ZSWIM5: variants seen among roughly 807,000 people sequenced by gnomAD.
ZSWIM5 encodes zinc finger SWIM-type containing 5, also known as zinc finger SWIM domain-containing protein 5.
ZSWIM5 carries 55 observed loss-of-function variants against 119.6 expected under a neutral mutation model. The ratio of observed to expected loss-of-function variants is 0.46; its 90% confidence interval spans 0.37 to 0.58. The LOEUF (loss-of-function observed/expected upper bound fraction) is 0.58. Ranked by LOEUF, ZSWIM5 falls within the 20% of genes least tolerant of loss-of-function variation. The probability of loss-of-function intolerance (pLI) is 0.00; values close to 1 mark genes in which losing one functional copy is unlikely to be tolerated. For missense variants in ZSWIM5, 1,193 were observed against 1,512.8 expected (o/e 0.79, Z 3.51); for synonymous variants, 537 against 606.9 (o/e 0.88, Z 1.69).
rs534133412 is a variant in ZSWIM5, at chr1:45,106,051, C to T, written c.596-17814G>A. ...GAGGTGAGGAGCGCCTCTGCCCGGC[C>T]GCCCCGTCTGGGAGGTGAGGAGCGC... is the stretch of plus-strand genomic sequence containing the variant. On this transcript the variant is annotated intron_variant, in intron 1 of 13. Transcript: ENST00000359600. Among the ~76,000 whole-genome samples the T allele has an allele frequency of 7.5e-4, 105 of 139,732 alleles. No individual in the cohort carries two copies. In the South Asian group the frequency reaches 0.021, roughly 28 times the overall value. 91.7% of individuals were successfully genotyped at this position (139,732 alleles called of 152,430 possible).
intron 1 of ZSWIM5, among the ~76,000 whole-genome samples, chr1:45,198,752 AAAG>A (rs1348955055): frequency 2.0e-5 from 3 of 152,254 alleles, no homozygotes; most frequent in Admixed American, 6.5e-5. Context: ...TCAATAATGT[AAAG>A]AAGACTGCAT....
At chr1:45,112,085 A>G (rs1401816697) in intron 1 of ZSWIM5, among the ~76,000 whole-genome samples, 1 of 152,212 alleles carries the variant, frequency 6.6e-6, no homozygotes, top group South Asian at 2.1e-4. Context: ...GTTTTGACAC[A>G]TGTATGCACT....
intron 7 of ZSWIM5, 107 bp from the exon 8 acceptor site, chr1:45,039,180 AT>A (rs1645003891): frequency 7.4e-7 from 1 of 1,351,410 alleles, no homozygotes; most frequent in Non-Finnish European, 1.0e-6. Context: ...TGAGAGTCAA[AT>A]AAAAGCTTCT....
intron 1 of ZSWIM5, among the ~76,000 whole-genome samples, chr1:45,165,400 A>G (rs1295618401): frequency 3.9e-5 from 6 of 152,168 alleles, no homozygotes; most frequent in African/African-American, 1.4e-4. Context: ...CATAACAATT[A>G]AAAGAACTAG....
intron 1 of ZSWIM5, among the ~76,000 whole-genome samples, chr1:45,133,049 C>T (rs960480442): frequency 2.5e-4 from 38 of 152,186 alleles, no homozygotes; most frequent in Non-Finnish European, 4.4e-4. Flanking sequence ...GTCTTTGCTA[C>T]TGTGAATAGT....
intron 1 of ZSWIM5, among the ~76,000 whole-genome samples, chr1:45,097,938 G>A (rs991764297): frequency 6.6e-6 from 1 of 152,158 alleles, no homozygotes; most frequent in African/African-American, 2.4e-5. Flanking sequence ...AATAGCGGGG[G>A]ACCTGAACTG....
At chr1:45,100,271 C>A (rs1433766780) in intron 1 of ZSWIM5, among the ~76,000 whole-genome samples, 5 of 152,056 alleles carry the variant, frequency 3.3e-5, no homozygotes, top group Non-Finnish European at 2.9e-5. Flanking sequence ...AACAGAGAGC[C>A]AAATCATGAG....
intron 1 of ZSWIM5, among the ~76,000 whole-genome samples, chr1:45,142,160 G>A (rs188198959): frequency 4.0e-5 from 6 of 151,514 alleles, no homozygotes; most frequent in African/African-American, 9.7e-5. Flanking sequence ...GCAGTGAGCC[G>A]AGATCACACC....
chr1:45,054,425 T>C (rs946276464), intron 4 of ZSWIM5, among the ~76,000 whole-genome samples: 22 of 150,054 alleles, frequency 1.5e-4, no homozygotes, highest in African/African-American at 5.4e-4. Flanking sequence ...TCTACAAAAG[T>C]AGAAAAATTA....
At chr1:45,078,251 C>T (rs1432596059) in intron 2 of ZSWIM5, among the ~76,000 whole-genome samples, 3 of 152,210 alleles carry the variant, frequency 2.0e-5, no homozygotes, top group African/African-American at 4.8e-5. Flanking sequence ...AATCCAAGTT[C>T]TTCTGTCATG....
In ZSWIM5 at chr1:45,016,744, T is replaced by G. The variant is rs1644856311; in HGVS notation, c.*1710A>C. 6.6e-6 allele frequency: 1 copy of G among 152,206 alleles called. No individual in the cohort carries two copies. The highest frequency in any genetic ancestry group is 1.5e-5 in the Non-Finnish European group (1 of 68,046). The allele number at this position is 152,206 out of a possible 1,614,324, so 9.4% of individuals were successfully genotyped here. A position where few individuals can be genotyped will look rare whatever the true frequency, so the allele number is the denominator to read the frequency against. On this transcript the variant is annotated 3_prime_UTR_variant, in exon 14 of 14. Coordinates refer to ENST00000359600, the MANE Select transcript of ZSWIM5 (RefSeq NM_020883.2). ...CACCCCCAACTCAGGAACTAAGACA[T>G]GAAACAGTAAACACCAAGACACTGG...
chr1:45,099,791 C>T (rs1038880868), intron 1 of ZSWIM5, among the ~76,000 whole-genome samples: 1 of 152,218 alleles, frequency 6.6e-6, no homozygotes, highest in Non-Finnish European at 1.5e-5. Context: ...GAACCAACAA[C>T]AAAACCCACA....
intron 1 of ZSWIM5, among the ~76,000 whole-genome samples, chr1:45,175,468 G>T (rs1645974235): frequency 6.6e-6 from 1 of 151,620 alleles, no homozygotes; most frequent in African/African-American, 2.4e-5. Context: ...TTTTATTTTG[G>T]AGACAGGGTT....
chr1:45,067,265 C>T (rs958055942), intron 2 of ZSWIM5, among the ~76,000 whole-genome samples: 3 of 151,880 alleles, frequency 2.0e-5, no homozygotes, highest in African/African-American at 7.3e-5. Flanking sequence ...CAGTGAGACC[C>T]TGTCTCTATA....
rs1369666093 is a variant in ZSWIM5, at chr1:45,057,894, TA to T, written c.1252+714del. Among the ~76,000 whole-genome samples, 1 of 152,150 alleles carries T rather than the reference TA, an allele frequency of 6.6e-6. No homozygotes were observed. Among genetic ancestry groups the T allele is most frequent in the Non-Finnish European group, 1.5e-5 (1 of 68,024 alleles). On this transcript the variant is annotated intron_variant, in intron 4 of 13. Coordinates refer to ENST00000359600, the MANE Select transcript of ZSWIM5 (RefSeq NM_020883.2). This position sits in a 1 kb window ranked among gnomAD's most constrained non-coding sequence, Gnocchi z 4.7. ...GGGGAATGGACACTACATTGCATTTTAAAGGTTGAGAAATCAAATAAAGTTG... is the reference window on the plus strand; with the variant it reads ...GGGGAATGGACACTACATTGCATTTTAAGGTTGAGAAATCAAATAAAGTTG...
chr1:45,117,851 T>C (rs1041645532), intron 1 of ZSWIM5, among the ~76,000 whole-genome samples: 1 of 152,184 alleles, frequency 6.6e-6, no homozygotes, highest in African/African-American at 2.4e-5. Flanking sequence ...GAATGGCAAG[T>C]CAATCTATAT....
At chr1:45,151,639 C>T (rs542565882) in intron 1 of ZSWIM5, among the ~76,000 whole-genome samples, 4 of 151,732 alleles carry the variant, frequency 2.6e-5, no homozygotes, top group East Asian at 1.9e-4. Flanking sequence ...TAGGAAGGCC[C>T]GACAAAATAC....
At position 45,017,958 on chromosome 1, in the gene ZSWIM5, T is replaced by G; in HGVS notation, c.*496A>C. The G allele has an allele frequency of 6.1e-6, 1 of 163,524 alleles. No individual in the cohort carries two copies. Among genetic ancestry groups the G allele is most frequent in the South Asian group, 1.7e-4 (1 of 5,990 alleles). The allele number at this position is 163,524 out of a possible 1,614,324, so 10.1% of individuals were successfully genotyped here. ...CTGCAAGGGAAACCTGAGAAATGGTTGTGAGTCTCCTCAGAAAATAAGCAT... is the reference window on the plus strand; with the variant it reads ...CTGCAAGGGAAACCTGAGAAATGGTGGTGAGTCTCCTCAGAAAATAAGCAT... On this transcript the variant is annotated 3_prime_UTR_variant, in exon 14 of 14. Coordinates refer to ENST00000359600, the MANE Select transcript of ZSWIM5 (RefSeq NM_020883.2).
intron 1 of ZSWIM5, among the ~76,000 whole-genome samples, chr1:45,191,128 A>T (rs1437092241): frequency 6.0e-5 from 9 of 150,140 alleles, no homozygotes; most frequent in Admixed American, 3.3e-4. Flanking sequence ...TTGTATTTTT[A>T]GTAGAGACCT....
Sources: gnomAD v4.1 joint callset for allele counts (sites outside exome capture counted in the v4.1 genomes callset) on GRCh38, gnomAD v4.1.1 for gene constraint, Gnocchi (gnomAD v3.1) non-coding constraint, MANE v1.5 for transcripts, NCBI Gene and HGNC (gene_info 2026-07-23, HGNC 2026-07-21) for gene names.